Variants in CCPG1 observed in about 807,000 individuals in gnomAD.
The protein encoded by CCPG1 is cell cycle progression protein 1.
Under a neutral mutation model 81.3 loss-of-function variants are expected in CCPG1, and 46 were observed. That is an observed-to-expected ratio of 0.57 (90% CI 0.45 to 0.72). CCPG1 has a LOEUF of 0.72. Among genes scored for constraint, CCPG1 ranks in the 30% least tolerant of loss-of-function variants. The pLI, the probability that CCPG1 is intolerant of heterozygous loss-of-function variation, is 0.00. For missense variants in CCPG1, 902 were observed against 937.6 expected (o/e 0.96, Z 0.50); for synonymous variants, 330 against 305.2 (o/e 1.08, Z -0.85).
chr15:55,407,045 C>CGCCCCG (rs1555411247), intron 1 of CCPG1, among the ~76,000 whole-genome samples: 1 of 133,620 alleles, frequency 7.5e-6, no homozygotes, highest in African/African-American at 3.5e-5. Context: ...AGACCCCCCC[C>CGCCCCG]CCCGCCCCGC....
intron 5 of CCPG1, among the ~76,000 whole-genome samples, chr15:55,375,983 C>A (rs1401104963): frequency 6.6e-6 from 1 of 152,154 alleles, no homozygotes; most frequent in East Asian, 1.9e-4. Context: ...AGCCACTATG[C>A]CCAGCCAAGA....
At chr15:55,359,059 A>C (rs2056138036) in intron 8 of CCPG1, 1 of 984,898 alleles carries the variant, frequency 1.0e-6, no homozygotes, top group Non-Finnish European at 1.2e-6. Context: ...TAAGTATCAT[A>C]ACTAAGCTGG....
chr15:55,398,198 A>T (rs1005985537), intron 1 of CCPG1: 5 of 152,198 alleles, frequency 3.3e-5, no homozygotes, highest in African/African-American at 1.2e-4. Flanking sequence ...ACCTCATAAA[A>T]TATAACTGGA....
chr15:55,394,049 A>ACAC (rs1247762510), intron 1 of CCPG1, among the ~76,000 whole-genome samples: 1 of 152,066 alleles, frequency 6.6e-6, no homozygotes, highest in Non-Finnish European at 1.5e-5. Flanking sequence ...AAGAACCTGG[A>ACAC]CACCCTCCAC....
chr15:55,384,636 CAA>C (rs891104998), intron 3 of CCPG1, among the ~76,000 whole-genome samples: 2 of 151,924 alleles, frequency 1.3e-5, no homozygotes, highest in South Asian at 2.1e-4. Context: ...GCATGGGAAA[CAA>C]GAGCGAAACT....
At chr15:55,380,656 A>G (rs372510471) in intron 3 of CCPG1, among the ~76,000 whole-genome samples, 3 of 152,168 alleles carry the variant, frequency 2.0e-5, no homozygotes, top group East Asian at 3.9e-4. Flanking sequence ...AATATTTTTC[A>G]GCATTATATA....
Position 55,385,609 on chromosome 15 carries a change from C to G in CCPG1, c.166G>C (p.Glu56Gln). ...TTTGTGAACAACTTACCTCCTTGCT[C>G]TATCTGCAATGCTTGAAGCTCCTCT... ...EQEELQALQI[E>Q]QGESSQNGTV... The change falls in exon 3 of 9, where the codon GAG becomes CAG. Residue 56 changes from glutamate to glutamine, a missense_variant. Around this residue, in one of 3 missense-constraint regions of CCPG1, gnomAD observed 746 missense variants for 728.6 expected, o/e 1.02. Transcript: ENST00000442196. 2 of 1,575,292 alleles carry G rather than the reference C, an allele frequency of 1.3e-6. No homozygotes were observed. The highest frequency in any genetic ancestry group is 1.7e-6 in the Non-Finnish European group (2 of 1,154,408).
At position 55,365,247 on chromosome 15, in the gene CCPG1, C is replaced by A; in HGVS notation, c.769G>T (p.Asp257Tyr). The A allele has an allele frequency of 6.6e-7, 1 of 1,517,702 alleles. No individual in the cohort carries two copies. Among genetic ancestry groups the A allele is most frequent in the Non-Finnish European group, 9.1e-7 (1 of 1,098,786 alleles). The allele number at this position is 1,517,702 out of a possible 1,614,324, so 94.0% of individuals were successfully genotyped here. ...CACTGGGAAAGATAATCCTTCATAT[C>A]ATTCAATTCATCTTCATGTATCTTT... ...VRKIHEDELN[D>Y]MKDYLSQCQQ... The change falls in exon 7 of 9, where the codon GAT becomes TAT. Residue 257 changes from aspartate to tyrosine, a missense_variant. Transcript: ENST00000442196.
intron 4 of CCPG1, among the ~76,000 whole-genome samples, chr15:55,377,415 C>G (rs554990674): frequency 1.3e-5 from 2 of 152,312 alleles, no homozygotes; most frequent in East Asian, 3.9e-4. Context: ...TCTTTGCCCC[C>G]TCAATAACCA....
At chr15:55,390,727 C>A (rs1448569977) in intron 1 of CCPG1, among the ~76,000 whole-genome samples, 9 of 152,028 alleles carry the variant, frequency 5.9e-5, no homozygotes, top group Admixed American at 2.0e-4. Context: ...GTTAATTATT[C>A]TGAAAACTCC....
chr15:55,376,684 G>C (rs918171877), intron 5 of CCPG1, among the ~76,000 whole-genome samples: 1 of 152,132 alleles, frequency 6.6e-6, no homozygotes, highest in African/African-American at 2.4e-5. Flanking sequence ...TGGAGCATTT[G>C]TGATTTTAAC....
At chr15:55,388,458 G>GT (rs1311884393) in intron 2 of CCPG1, among the ~76,000 whole-genome samples, 1 of 152,176 alleles carries the variant, frequency 6.6e-6, no homozygotes, top group Non-Finnish European at 1.5e-5. Flanking sequence ...TGGAACACAT[G>GT]TTCTCCATTC....
In CCPG1 at chr15:55,360,037, T is replaced by G; in HGVS notation, c.1736A>C (p.Glu579Ala). 6.2e-7 allele frequency: 1 copy of G among 1,613,682 alleles called. No homozygotes were observed. The highest frequency in any genetic ancestry group is 8.5e-7 in the Non-Finnish European group (1 of 1,179,944). ...YLHPQYKAPT[E>A]NHHNRGPTMQ... ...AGTAGGGCCTCTATTATGATGGTTT[T>G]CTGTAGGTGCCTTATACTGTGGATG... The change falls in exon 8 of 9, where the codon GAA becomes GCA. Residue 579 changes from glutamate (E) to alanine (A), a missense_variant. By Grantham distance (107) the Glu-to-Ala change is moderately radical. This residue lies in a region of CCPG1 where 746 missense variants were observed against 728.6 expected (regional missense o/e 1.02). Coordinates refer to ENST00000442196, the MANE Select transcript of CCPG1 (RefSeq NM_001204450.2).
rs746015165 is a variant in CCPG1 at position 55,355,398 on chromosome 15, TA to T, written c.*821del. The T allele has an allele frequency of 8.7e-6, 14 of 1,609,070 alleles. No individual in the cohort carries two copies. In the African/African-American group the frequency reaches 1.7e-4, roughly 20 times the overall value. On this transcript the variant is annotated 3_prime_UTR_variant, in exon 9 of 9. Coordinates refer to ENST00000442196, the MANE Select transcript of CCPG1 (RefSeq NM_001204450.2). ...CACATATATGTCTATGAACGGAAGT[TA>T]AAAGGGAAATTCAACATGAAGATGA... is the stretch of plus-strand genomic sequence containing the variant.
intron 7 of CCPG1, among the ~76,000 whole-genome samples, chr15:55,361,921 C>A (rs1298138558): frequency 1.3e-5 from 2 of 152,068 alleles, no homozygotes; most frequent in Non-Finnish European, 2.9e-5. Context: ...GAATCTTGAA[C>A]ATTTATAACT....
intron 6 of CCPG1, among the ~76,000 whole-genome samples, chr15:55,367,705 T>C (rs1333619882): frequency 6.6e-6 from 1 of 151,994 alleles, no homozygotes; most frequent in Non-Finnish European, 1.5e-5. Flanking sequence ...AACCAAACTG[T>C]GCTTACCATC....
chr15:55,394,468 G>A (rs916246911), intron 1 of CCPG1, among the ~76,000 whole-genome samples: 3 of 152,182 alleles, frequency 2.0e-5, no homozygotes, highest in South Asian at 2.1e-4. Context: ...TTTCTCCACT[G>A]TGTGAAAGCT....
At chr15:55,406,532 C>A (rs144034965) in intron 1 of CCPG1, among the ~76,000 whole-genome samples, 1 of 148,194 alleles carries the variant, frequency 6.7e-6, no homozygotes, top group Admixed American at 6.9e-5. Flanking sequence ...TGGCTCACTG[C>A]AACCTCCGCC....
rs771082189 is a variant in CCPG1, at chr15:55,363,867, G to GTTT, written c.828+1320_828+1321insAAA. ...GGCCCAGGCCGGAGTGCAATAGTGT[G>GTTT]ATCTCAGCTTACTATAACCTCTGCC... On this transcript the variant is annotated intron_variant, in intron 7 of 8. Transcript: ENST00000442196. Among the ~76,000 whole-genome samples the GTTT allele has an allele frequency of 2.4e-4, 30 of 124,570 alleles. 1 individual carries two copies. The highest frequency in any genetic ancestry group is 2.1e-3 in the East Asian group (7 of 3,338). The allele number at this position is 124,570 out of a possible 152,430, so 81.7% of individuals were successfully genotyped here.
Sources: gnomAD v4.1 joint callset for allele counts (sites outside exome capture counted in the v4.1 genomes callset) on GRCh38, gnomAD v4.1.1 for gene constraint, gnomAD v4.1.1 regional missense constraint, MANE v1.5 for transcripts, NCBI Gene and HGNC (gene_info 2026-07-23, HGNC 2026-07-21) for gene names.